The following FTO variants were observed in gnomAD, a reference collection of about 807,000 sequenced individuals.
FTO encodes alpha-ketoglutarate-dependent dioxygenase FTO.
Under a neutral mutation model 63.9 loss-of-function variants are expected in FTO, and 47 were observed. The ratio of observed to expected loss-of-function variants is 0.74; its 90% CI spans 0.58 to 0.94. FTO has a LOEUF of 0.94. FTO is among the 40% of genes least tolerant of loss of function. The pLI is 0.00. For missense variants in FTO, 562 were observed against 618.1 expected (o/e 0.91, Z 0.96); for synonymous variants, 207 against 224.4 (o/e 0.92, Z 0.69).
At chr16:53,957,771 G>C (rs1052025165) in intron 8 of FTO, among the ~76,000 whole-genome samples, 4 of 152,232 alleles carry the variant, frequency 2.6e-5, no homozygotes, top group Non-Finnish European at 4.4e-5. Context: ...TAGTAGAAAT[G>C]ATCATCAAGA....
intron 7 of FTO, among the ~76,000 whole-genome samples, chr16:53,895,552 A>G (rs1239329272): frequency 6.6e-6 from 1 of 152,214 alleles, no homozygotes; most frequent in Non-Finnish European, 1.5e-5. Context: ...ATGTTTCTTA[A>G]AGCTGCTACA....
chr16:53,973,058 C>G (rs1472381815), intron 8 of FTO, among the ~76,000 whole-genome samples: 1 of 152,192 alleles, frequency 6.6e-6, no homozygotes, highest in East Asian at 1.9e-4. Flanking sequence ...TACAAAAATG[C>G]ATTCTGGCTT....
chr16:53,873,874 A>C lies in FTO; in HGVS notation c.975+9A>C. ...CCCACCGAGTGGCAGAGGTAAGTGT[A>C]AATAAAAATGTGATTCACACCTAAT... On this transcript the variant is annotated intron_variant, in intron 5 of 8. Coordinates refer to ENST00000471389, the MANE Select transcript of FTO (RefSeq NM_001080432.3). The C allele has an allele frequency of 6.2e-7, 1 of 1,604,834 alleles. No homozygotes were observed. Among genetic ancestry groups the C allele is most frequent in the African/African-American group, 1.3e-5 (1 of 74,834 alleles).
intron 1 of FTO, among the ~76,000 whole-genome samples, chr16:53,722,753 G>A (rs1220972592): frequency 6.6e-6 from 1 of 151,882 alleles, no homozygotes; most frequent in Non-Finnish European, 1.5e-5. Context: ...GCTTGAACCC[G>A]GGAGGCGGAG....
intron 8 of FTO, among the ~76,000 whole-genome samples, chr16:54,037,885 G>A (rs2084979424): frequency 6.6e-6 from 1 of 152,196 alleles, no homozygotes; most frequent in African/African-American, 2.4e-5. Context: ...AGTATTACGT[G>A]TAACTTTAAA....
chr16:53,786,684 A>T (rs1467710072), intron 1 of FTO, among the ~76,000 whole-genome samples: 5 of 152,116 alleles, frequency 3.3e-5, no homozygotes, highest in Non-Finnish European at 2.9e-5. Context: ...GGAGTGGGAG[A>T]GCATAAAAGC....
intron 7 of FTO, among the ~76,000 whole-genome samples, chr16:53,924,145 C>G (rs1164835048): frequency 6.6e-6 from 1 of 152,158 alleles, no homozygotes; most frequent in Non-Finnish European, 1.5e-5. Flanking sequence ...AGTCCTAATA[C>G]CAATTTCTAA....
At position 54,013,852 on chromosome 16, in the gene FTO, CGT is replaced by C. The variant is rs567281467; in HGVS notation, c.1364+79745_1364+79746del. 6.2e-4 allele frequency among the ~76,000 whole-genome samples: 95 copies of C among 152,258 alleles called. 2 individuals are homozygous for C. In the South Asian group the frequency reaches 0.019, roughly 31 times the overall value. ...ATGCACTGGGAAGCCAAAAAATTCA[CGT>C]GAGCTACTTTATTGCTATATTTATT... On this transcript the variant is annotated intron_variant, in intron 8 of 8. Transcript: ENST00000471389.
chr16:54,094,825 C>T (rs2086476446), intron 8 of FTO, among the ~76,000 whole-genome samples: 1 of 152,176 alleles, frequency 6.6e-6, no homozygotes, highest in African/African-American at 2.4e-5. Flanking sequence ...AGTTTAGTCT[C>T]ATGAGATGAC....
intron 3 of FTO, among the ~76,000 whole-genome samples, chr16:53,836,913 T>C (rs2079309780): frequency 6.6e-6 from 1 of 152,188 alleles, no homozygotes; most frequent in South Asian, 2.1e-4. Context: ...AAGCTTTACC[T>C]GAAGCTAGAT....
intron 8 of FTO, among the ~76,000 whole-genome samples, chr16:54,062,823 G>T (rs565099567): frequency 6.6e-6 from 1 of 152,312 alleles, no homozygotes; most frequent in South Asian, 2.1e-4. Flanking sequence ...TGTGAAAGTG[G>T]CTGGGGATCA....
At chr16:54,037,773 C>T (rs1399967243) in intron 8 of FTO, among the ~76,000 whole-genome samples, 1 of 151,970 alleles carries the variant, frequency 6.6e-6, no homozygotes, top group Middle Eastern at 3.2e-3. Context: ...ATATGATATA[C>T]CATTACATGG....
chr16:53,847,824 T>C (rs1290145389), intron 4 of FTO, among the ~76,000 whole-genome samples: 2 of 151,992 alleles, frequency 1.3e-5, no homozygotes, highest in Non-Finnish European at 2.9e-5. Flanking sequence ...ACATTATTCA[T>C]TGGATTTTGG....
chr16:53,882,770 TCGTCTC>T (rs1213631854), intron 6 of FTO, among the ~76,000 whole-genome samples: 2 of 152,230 alleles, frequency 1.3e-5, no homozygotes, highest in Non-Finnish European at 2.9e-5. Flanking sequence ...AGAAATAATG[TCGTCTC>T]CCATGGCAAC....
chr16:53,728,240 T>TAA lies in FTO; in HGVS notation c.45+24020_45+24021dup, dbSNP rs57955379. 1.3e-5 allele frequency among the ~76,000 whole-genome samples: 2 copies of TAA among 148,842 alleles called. 1 individual carries two copies. Among genetic ancestry groups the TAA allele is most frequent in the South Asian group, 4.3e-4 (2 of 4,688 alleles). ...GGCAACAGTGCTAGACCCTGTCTCT[T>TAA]AAAAAAAAAAGTCAGAAGACAATAC... On this transcript the variant is annotated intron_variant, in intron 1 of 8. Transcript: ENST00000471389.
At chr16:54,104,604 C>A (rs2086707890) in intron 8 of FTO, among the ~76,000 whole-genome samples, 1 of 152,044 alleles carries the variant, frequency 6.6e-6, no homozygotes, top group Non-Finnish European at 1.5e-5. Context: ...AACCACCTTG[C>A]CTGGCTCCTG....
chr16:54,096,206 G>C (rs974684789), intron 8 of FTO, among the ~76,000 whole-genome samples: 1 of 152,200 alleles, frequency 6.6e-6, no homozygotes, highest in Non-Finnish European at 1.5e-5. Context: ...CTTGATCACT[G>C]ACCCAGCGGC....
At position 53,987,956 on chromosome 16, in the gene FTO, C is replaced by A. The variant is rs528230073; in HGVS notation, c.1364+53847C>A. 1.7e-4 allele frequency among the ~76,000 whole-genome samples: 26 copies of A among 152,218 alleles called. No individual in the cohort carries two copies. The South Asian group carries it at 5.4e-3, about 32-fold the overall frequency. On this transcript the variant is annotated intron_variant, in intron 8 of 8. Transcript: ENST00000471389. The stretch of plus-strand genomic sequence containing the variant: ...TGAAAACAGCATAAGCAGTAAGCCC[C>A]CCAGATACCCCCACATTTTTGTGTG...
chr16:53,735,715 A>G (rs559029342), intron 1 of FTO, among the ~76,000 whole-genome samples: 90 of 152,358 alleles, frequency 5.9e-4, no homozygotes, highest in Middle Eastern at 3.4e-3. Flanking sequence ...GCCTAGTTGG[A>G]TAAGCTTTCT....
Sources: allele counts gnomAD v4.1 joint callset (sites outside exome capture counted in the v4.1 genomes callset), GRCh38; gene constraint gnomAD v4.1.1; transcripts MANE v1.5; gene names NCBI Gene and HGNC (gene_info 2026-07-23, HGNC 2026-07-21).